Variants in MYO9A observed in about 807,000 individuals in gnomAD.
MYO9A encodes myosin IXA.
MYO9A carries 103 observed loss-of-function variants against 293.3 expected under a neutral mutation model. That is an observed-to-expected ratio of 0.35 (90% confidence interval 0.30 to 0.41). The LOEUF (loss-of-function observed/expected upper bound fraction) is 0.41. MYO9A is among the 10% of genes least tolerant of loss of function. The pLI is 1.00. For synonymous variants in MYO9A, 1,001 were observed against 1,035.7 expected (o/e 0.97, Z 0.64); for missense variants, 2,685 against 3,033.0 (o/e 0.89, Z 2.69).
chr15:71,849,306 A>G (rs2055531784), intron 38 of MYO9A, among the ~76,000 whole-genome samples: 1 of 152,104 alleles, frequency 6.6e-6, no homozygotes, highest in African/African-American at 2.4e-5. Flanking sequence ...TAAATCAGCC[A>G]GGCATGGTGG....
intron 29 of MYO9A, 59 bp from the exon 30 acceptor site, chr15:71,879,896 A>ATGCCTACTGTTGTATTT: frequency 8.8e-7 from 1 of 1,138,528 alleles, no homozygotes; most frequent in Non-Finnish European, 1.3e-6. Context: ...AAGTAAATAC[A>ATGCCTACTGTTGTATTT]ACAGTAGGCA....
chr15:72,020,856 A>G, intron 5 of MYO9A, 62 bp downstream of exon 5: 1 of 1,050,010 alleles, frequency 9.5e-7, no homozygotes, highest in Non-Finnish European at 1.3e-6. Context: ...GAAAAAAGAC[A>G]TTTTTCAAGC....
chr15:72,061,203 T>C (rs1566996366), intron 1 of MYO9A, among the ~76,000 whole-genome samples: 2 of 152,092 alleles, frequency 1.3e-5, no homozygotes, highest in African/African-American at 4.8e-5. Flanking sequence ...GTACTCGCCA[T>C]GGGCCTTGGG....
At chr15:71,942,375 C>T (rs943839378) in intron 15 of MYO9A, among the ~76,000 whole-genome samples, 1 of 151,874 alleles carries the variant, frequency 6.6e-6, no homozygotes, top group Non-Finnish European at 1.5e-5. Flanking sequence ...TGTTTATATG[C>T]TTTAGGTTTG....
chr15:72,108,520 G>A (rs982428214), intron 1 of MYO9A, among the ~76,000 whole-genome samples: 6 of 152,024 alleles, frequency 3.9e-5, no homozygotes, highest in African/African-American at 1.5e-4. Context: ...ATGTGGGAAG[G>A]AACTTCCTAC....
intron 10 of MYO9A, among the ~76,000 whole-genome samples, chr15:71,992,657 T>G (rs2076574684): frequency 6.6e-6 from 1 of 152,178 alleles, no homozygotes; most frequent in African/African-American, 2.4e-5. Flanking sequence ...AGGATTAAAT[T>G]TAAAAGGTGA....
At chr15:72,092,667 A>T (rs2079950955) in intron 1 of MYO9A, among the ~76,000 whole-genome samples, 2 of 152,214 alleles carry the variant, frequency 1.3e-5, no homozygotes, top group Admixed American at 6.5e-5. Context: ...CTGCTGTTGT[A>T]GCATGAAAAC....
In MYO9A at chr15:71,841,836, G is replaced by A. The variant is rs12372924; in HGVS notation, c.6837+7009C>T. On this transcript the variant is annotated intron_variant, in intron 39 of 41. Coordinates refer to ENST00000356056, the MANE Select transcript of MYO9A (RefSeq NM_006901.4). Reference sequence around the variant, plus strand: ...TTTTTTTTGTTTTTTTTGTAGAGACGGGGTTTCACCATGTTGCCCAGGCTG... The same window carrying A: ...TTTTTTTTGTTTTTTTTGTAGAGACAGGGTTTCACCATGTTGCCCAGGCTG... Among the ~76,000 whole-genome samples, 841 of 141,026 alleles carry A rather than the reference G, an allele frequency of 6.0e-3. 12 individuals carry two copies. The highest frequency in any genetic ancestry group is 0.023 in the African/African-American group (794 of 34,916). The allele number at this position is 141,026 out of a possible 152,430, so 92.5% of individuals were successfully genotyped here.
At chr15:72,035,845 A>G (rs1406957446) in intron 2 of MYO9A, among the ~76,000 whole-genome samples, 2 of 152,142 alleles carry the variant, frequency 1.3e-5, no homozygotes, top group Admixed American at 6.5e-5. Context: ...GACTCTATGT[A>G]TATGACATTC....
chr15:71,830,869 C>G (rs1007291166), intron 39 of MYO9A, among the ~76,000 whole-genome samples: 3 of 150,376 alleles, frequency 2.0e-5, no homozygotes, highest in African/African-American at 7.3e-5. Context: ...AAAACAAAAA[C>G]AAAATGTAGT....
Position 71,854,421 on chromosome 15 carries a change from C to A in MYO9A, c.6302G>T (p.Gly2101Val). ...AAGCTCCTTGATTTTATTAGTCGAA[C>A]CAGACTTTCGATAAATACCTTCTGT... The part of the protein sequence containing the change: ...LYTEGIYRKS[G>V]STNKIKELRQ... The change falls in exon 35 of 42, where the codon GGT (glycine) becomes GTT (valine). Residue 2101 changes from glycine to valine, a missense_variant. Coordinates refer to ENST00000356056, the MANE Select transcript of MYO9A (RefSeq NM_006901.4). 1.9e-6 allele frequency: 3 copies of A among 1,606,756 alleles called. No homozygotes were observed. Among genetic ancestry groups the A allele is most frequent in the Non-Finnish European group, 2.5e-6 (3 of 1,177,112 alleles).
intron 1 of MYO9A, among the ~76,000 whole-genome samples, chr15:72,092,366 C>A (rs1039202903): frequency 3.9e-5 from 6 of 152,314 alleles, no homozygotes; most frequent in African/African-American, 1.4e-4. Flanking sequence ...GAGTTCCTGA[C>A]AAGTTATTAA....
In MYO9A at chr15:71,975,827, A is replaced by G. The variant is rs547049832; in HGVS notation, c.1844+2344T>C. Among the ~76,000 whole-genome samples the G allele has an allele frequency of 2.6e-3, 403 of 152,272 alleles. 3 individuals are homozygous for G. Among genetic ancestry groups the G allele is most frequent in the South Asian group, 5.6e-3 (27 of 4,824 alleles). Reference sequence around the variant, plus strand: ...TTCTACACAGTTGTCAGTAATGCCTATGTAATGAAGCCTCCATAAAAACCC... The same window carrying G: ...TTCTACACAGTTGTCAGTAATGCCTGTGTAATGAAGCCTCCATAAAAACCC... On this transcript the variant is annotated intron_variant, in intron 12 of 41. Transcript: ENST00000356056.
chr15:71,982,973 T>C (rs570885050), intron 11 of MYO9A, among the ~76,000 whole-genome samples: 20 of 152,216 alleles, frequency 1.3e-4, no homozygotes, highest in Non-Finnish European at 2.6e-4. Flanking sequence ...CTGCTTTTTT[T>C]CTTAAGGTTT....
Position 71,825,136 on chromosome 15 carries a change from A to AAAT in MYO9A, c.*1441_*1443dup, listed in dbSNP as rs2054421887. On this transcript the variant is annotated 3_prime_UTR_variant, in exon 42 of 42. Transcript: ENST00000356056. ...TCATGTTTCATTTTTTATATATTATAAATAGCAAAAACAGATTTCTAATCC... is the reference window on the plus strand; with the variant it reads ...TCATGTTTCATTTTTTATATATTATAAATAATAGCAAAAACAGATTTCTAATCC... 6.6e-6 allele frequency: 1 copy of AAAT among 152,220 alleles called. No individual in the cohort carries two copies. Among genetic ancestry groups the AAAT allele is most frequent in the Non-Finnish European group, 1.5e-5 (1 of 68,036 alleles). 9.4% of individuals were successfully genotyped at this position (152,220 alleles called of 1,614,324 possible). A position where few individuals can be genotyped will look rare whatever the true frequency, so the allele number is the denominator to read the frequency against.
chr15:71,836,002 G>A (rs1451904973), intron 39 of MYO9A, among the ~76,000 whole-genome samples: 4 of 151,858 alleles, frequency 2.6e-5, no homozygotes, highest in Non-Finnish European at 4.4e-5. Context: ...TCTTAAACAT[G>A]ACTTTAAAAG....
rs74022473 is a variant in MYO9A, at chr15:71,903,456, C to T, written c.2878-393G>A. The stretch of plus-strand genomic sequence containing the variant: ...CTTTCCGTCCCAGTAACAGCAAAGA[C>T]TTGCTCAGTTGCTGAACAGCTTCAA... On this transcript the variant is annotated intron_variant, in intron 21 of 41. Transcript: ENST00000356056. Among the ~76,000 whole-genome samples, 754 of 152,358 alleles carry T rather than the reference C, an allele frequency of 4.9e-3. 4 individuals carry two copies. Among genetic ancestry groups the T allele is most frequent in the African/African-American group, 0.017 (700 of 41,580 alleles).
intron 1 of MYO9A, among the ~76,000 whole-genome samples, chr15:72,080,716 T>C (rs991199143): frequency 1.3e-5 from 2 of 152,120 alleles, no homozygotes; most frequent in Non-Finnish European, 2.9e-5. Flanking sequence ...ACCCAGGTAT[T>C]AAGCCTAGTA....
intron 14 of MYO9A, among the ~76,000 whole-genome samples, chr15:71,957,173 G>A (rs367715865): frequency 7.2e-5 from 11 of 152,014 alleles, no homozygotes; most frequent in Non-Finnish European, 1.3e-4. Flanking sequence ...AACGTATTAC[G>A]GAGTGGCTAC....
Sources: allele counts gnomAD v4.1 joint callset (sites outside exome capture counted in the v4.1 genomes callset), GRCh38; gene constraint gnomAD v4.1.1; transcripts MANE v1.5; gene names NCBI Gene and HGNC (gene_info 2026-07-23, HGNC 2026-07-21).